The following TF variants were observed in gnomAD, a reference collection of about 807,000 sequenced individuals.
TF encodes the protein serotransferrin.
TF carries 55 observed loss-of-function variants against 82.4 expected under a neutral mutation model. That is an observed-to-expected ratio of 0.67 (90% CI 0.54 to 0.84). TF has a LOEUF of 0.84. Among genes scored for constraint, TF ranks in the 40% least tolerant of loss-of-function variants. The pLI, the probability that TF is intolerant of heterozygous loss-of-function variation, is 0.00. For missense variants in TF, 737 were observed against 868.4 expected (o/e 0.85, Z 1.90); for synonymous variants, 332 against 332.6 (o/e 1.00, Z 0.02).
chr3:133,738,733 A>C, the TF span, among the ~76,000 whole-genome samples: 1 of 152,208 alleles, frequency 6.6e-6, no homozygotes, highest in African/African-American at 2.4e-5. Context: ...AGAGAATAAA[A>C]TACCTAGGAA....
chr3:133,684,329 A>G, the TF span, among the ~76,000 whole-genome samples: 1 of 152,246 alleles, frequency 6.6e-6, no homozygotes, highest in Admixed American at 6.5e-5. Context: ...AAAAGCTAGC[A>G]GAAGGCAAGA....
chr3:133,747,238 G>C (rs963160879), intron 1 of TF: 10 of 153,584 alleles, frequency 6.5e-5, no homozygotes, highest in African/African-American at 1.9e-4. Flanking sequence ...AGGACCCCAC[G>C]TTACTTGCCT....
chr3:133,758,420 C>T (rs575162358), intron 8 of TF, among the ~76,000 whole-genome samples: 1 of 152,288 alleles, frequency 6.6e-6, no homozygotes, highest in Non-Finnish European at 1.5e-5. Context: ...AACATCTAGC[C>T]ATATGCTCTG....
the TF span, among the ~76,000 whole-genome samples, chr3:133,710,603 G>A: frequency 3.9e-5 from 6 of 152,054 alleles, no homozygotes; most frequent in Non-Finnish European, 7.4e-5. Context: ...CCAAAACTGC[G>A]GGCCTCCTGG....
At chr3:133,681,512 C>T in the TF span, among the ~76,000 whole-genome samples, 1 of 152,224 alleles carries the variant, frequency 6.6e-6, no homozygotes, top group Non-Finnish European at 1.5e-5. Context: ...TAATACTGAG[C>T]TTTTCCAAAG....
the TF span, among the ~76,000 whole-genome samples, chr3:133,719,300 G>A: frequency 1.3e-5 from 2 of 152,164 alleles, no homozygotes; most frequent in African/African-American, 4.8e-5. Context: ...GAGAACACAA[G>A]CACCTCCTCT....
the TF span, among the ~76,000 whole-genome samples, chr3:133,680,946 G>A: frequency 6.6e-6 from 1 of 152,142 alleles, no homozygotes; most frequent in East Asian, 1.9e-4. Flanking sequence ...AAAATTAGAG[G>A]AAAGAAACGT....
the TF span, among the ~76,000 whole-genome samples, chr3:133,740,975 G>T: frequency 1.3e-4 from 12 of 94,128 alleles, no homozygotes; most frequent in South Asian, 3.7e-4. Context: ...TACCTACCTT[G>T]ATCCAGCTCT....
At position 133,787,742 on chromosome 3, in the gene TF, T is replaced by C. The variant is rs1934723602; in HGVS notation, c.*9122T>C. 1 of 152,236 alleles carries C rather than the reference T, an allele frequency of 6.6e-6. No individual in the cohort carries two copies. The highest frequency in any genetic ancestry group is 2.4e-5 in the African/African-American group (1 of 41,466). 9.4% of individuals were successfully genotyped at this position (152,236 alleles called of 1,614,324 possible). ...TTTATCCATTGCCTTATATGTTAAA[T>C]GCATTGCAAGTAACTTTGCTATACT... On this transcript the variant is annotated 3_prime_UTR_variant, in exon 17 of 17. Transcript: ENST00000402696.
intron 9 of TF, among the ~76,000 whole-genome samples, chr3:133,762,653 CGTAAA>C (rs1163663839): frequency 6.6e-6 from 1 of 152,046 alleles, no homozygotes; most frequent in Non-Finnish European, 1.5e-5. Context: ...GACTACCATA[CGTAAA>C]GTACTTTCTG....
At chr3:133,727,660 A>C in the TF span, among the ~76,000 whole-genome samples, 1 of 117,552 alleles carries the variant, frequency 8.5e-6, no homozygotes, top group Non-Finnish European at 1.8e-5. Context: ...TTTACATTTA[A>C]AGTTAATATT....
In TF at chr3:133,795,767, G is replaced by C. The variant is rs78537082; in HGVS notation, c.*17147G>C. The C allele has an allele frequency of 2.6e-5, 4 of 151,786 alleles. No individual in the cohort carries two copies. The highest frequency in any genetic ancestry group is 9.7e-5 in the African/African-American group (4 of 41,268). The allele number at this position is 151,786 out of a possible 1,614,324, so 9.4% of individuals were successfully genotyped here. A position where few individuals can be genotyped will look rare whatever the true frequency, so the allele number is the denominator to read the frequency against. On this transcript the variant is annotated 3_prime_UTR_variant, in exon 17 of 17. Transcript: ENST00000402696. ...ATTTTTTTGTATTTTTAGTGGAGAC[G>C]GGGTTTCACCATGTTAGCCAGGATG...
chr3:133,702,733 A>G, the TF span, among the ~76,000 whole-genome samples: 1 of 152,124 alleles, frequency 6.6e-6, no homozygotes, highest in African/African-American at 2.4e-5. Context: ...GAAAAAATAA[A>G]CTTATAAATA....
chr3:133,692,377 C>A, the TF span, among the ~76,000 whole-genome samples: 1 of 152,192 alleles, frequency 6.6e-6, no homozygotes, highest in Non-Finnish European at 1.5e-5. Context: ...CCTCTCACAC[C>A]TTTACTTCGT....
At chr3:133,756,545 G>A (rs772566824) in intron 6 of TF, among the ~76,000 whole-genome samples, 6 of 152,074 alleles carry the variant, frequency 3.9e-5, no homozygotes, top group Non-Finnish European at 5.9e-5. Flanking sequence ...CTCTCCACAC[G>A]GTGCCTCTGC....
intron 15 of TF, among the ~76,000 whole-genome samples, chr3:133,776,441 A>T (rs41296602): frequency 0.015 from 2,351 of 151,996 alleles, 69 homozygotes; most frequent in African/African-American, 0.052. Flanking sequence ...ACCTTTTTTT[A>T]AAAAAAATAA....
Position 133,784,471 on chromosome 3 carries a change from AAATAATAAT to A in TF, c.*5880_*5888del, listed in dbSNP as rs200557092. 8.5e-5 allele frequency: 9 copies of A among 105,596 alleles called. 1 individual carries two copies. Among genetic ancestry groups the A allele is most frequent in the African/African-American group, 2.6e-4 (7 of 26,606 alleles). The allele number at this position is 105,596 out of a possible 1,614,324, so 6.5% of individuals were successfully genotyped here. ...TCTTGTAAATTCCCATTTGTTAAAA[AAATAATAAT>A]AATAATAATAATAATAATAATAATA... On this transcript the variant is annotated 3_prime_UTR_variant, in exon 17 of 17. Coordinates refer to ENST00000402696, the MANE Select transcript of TF (RefSeq NM_001063.4).
rs1231928355 is a variant in TF at position 133,781,089 on chromosome 3, C to T, written c.*2469C>T. 2.0e-5 allele frequency: 3 copies of T among 150,780 alleles called. No individual in the cohort carries two copies. Among genetic ancestry groups the T allele is most frequent in the Non-Finnish European group, 3.0e-5 (2 of 67,734 alleles). The allele number at this position is 150,780 out of a possible 1,614,324, so 9.3% of individuals were successfully genotyped here. A position where few individuals can be genotyped will look rare whatever the true frequency, so the allele number is the denominator to read the frequency against. On this transcript the variant is annotated 3_prime_UTR_variant, in exon 17 of 17. Coordinates refer to ENST00000402696, the MANE Select transcript of TF (RefSeq NM_001063.4). ...ATCTCAGCACTTTGGGAGGCCAAGTCGGGCGGATCACCTGAGGTCAGGAGT... is the reference window on the plus strand; with the variant it reads ...ATCTCAGCACTTTGGGAGGCCAAGTTGGGCGGATCACCTGAGGTCAGGAGT...
chr3:133,686,172 C>T, the TF span, among the ~76,000 whole-genome samples: 3 of 152,200 alleles, frequency 2.0e-5, no homozygotes, highest in African/African-American at 7.2e-5. Flanking sequence ...TGGATCCCTT[C>T]CTTACACCTT....
Sources: gnomAD v4.1 joint callset for allele counts (sites outside exome capture counted in the v4.1 genomes callset) on GRCh38, gnomAD v4.1.1 for gene constraint, MANE v1.5 for transcripts, NCBI Gene and HGNC (gene_info 2026-07-23, HGNC 2026-07-21) for gene names.